The following FBXL7 variants were observed in gnomAD, a reference collection of about 807,000 sequenced individuals.
FBXL7 encodes the protein F-box/LRR-repeat protein 7.
A neutral mutation model predicts 38.3 loss-of-function variants in FBXL7; 12 were observed. The observed-to-expected ratio is 0.31, with a 90% CI of 0.20 to 0.51. The LOEUF (loss-of-function observed/expected upper bound fraction) is 0.51, where lower values mean the gene tolerates loss of function less well. FBXL7 is among the 20% of genes least tolerant of loss of function. The pLI is 0.98. For missense variants in FBXL7, 567 were observed against 676.4 expected (o/e 0.84, Z 1.79); for synonymous variants, 297 against 300.9 (o/e 0.99, Z 0.13).
intron 1 of FBXL7, among the ~76,000 whole-genome samples, chr5:15,593,047 G>C (rs1177429513): frequency 6.6e-6 from 1 of 152,182 alleles, no homozygotes; most frequent in South Asian, 2.1e-4. Context: ...TCCTGATAGA[G>C]TACCAGTCCT....
chr5:15,623,565 C>T (rs1740719708), intron 2 of FBXL7, among the ~76,000 whole-genome samples: 1 of 152,126 alleles, frequency 6.6e-6, no homozygotes, highest in Non-Finnish European at 1.5e-5. Context: ...TTGAAAATGC[C>T]CAGACATCTG....
At chr5:15,914,046 T>C (rs1741515792) in intron 2 of FBXL7, among the ~76,000 whole-genome samples, 1 of 152,236 alleles carries the variant, frequency 6.6e-6, no homozygotes. Flanking sequence ...AAAGTGTTAC[T>C]CATTTTTATT....
intron 2 of FBXL7, among the ~76,000 whole-genome samples, chr5:15,744,041 C>T (rs1011854273): frequency 6.6e-6 from 1 of 152,204 alleles, no homozygotes; most frequent in Non-Finnish European, 1.5e-5. Flanking sequence ...ATTTCTGCCT[C>T]CTAGGCCTCC....
chr5:15,741,888 A>G (rs902035210), intron 2 of FBXL7, among the ~76,000 whole-genome samples: 5 of 152,256 alleles, frequency 3.3e-5, no homozygotes, highest in African/African-American at 1.2e-4. Flanking sequence ...CAGGAATGCC[A>G]TGGTCAGGCC....
intron 2 of FBXL7, among the ~76,000 whole-genome samples, chr5:15,683,890 T>C (rs1013238543): frequency 6.6e-6 from 1 of 152,344 alleles, no homozygotes; most frequent in Non-Finnish European, 1.5e-5. Flanking sequence ...ATTCCTTTCA[T>C]GTCCTTAAAT....
intron 2 of FBXL7, among the ~76,000 whole-genome samples, chr5:15,655,448 C>G (rs1741844272): frequency 6.6e-6 from 1 of 151,078 alleles, no homozygotes; most frequent in African/African-American, 2.4e-5. Context: ...GAGCCGAGAT[C>G]TCGTCACTGC....
intron 1 of FBXL7, among the ~76,000 whole-genome samples, chr5:15,518,554 G>A (rs1305590248): frequency 6.6e-6 from 1 of 152,102 alleles, no homozygotes; most frequent in Non-Finnish European, 1.5e-5. Context: ...CTTTCATGGG[G>A]GAAATGAAGG....
chr5:15,672,594 G>A (rs915322227), intron 2 of FBXL7, among the ~76,000 whole-genome samples: 8 of 140,222 alleles, frequency 5.7e-5, no homozygotes, highest in African/African-American at 1.6e-4. Flanking sequence ...TCTTACTGTC[G>A]CTCAGGTTGG....
At chr5:15,704,236 A>G (rs1743613379) in intron 2 of FBXL7, among the ~76,000 whole-genome samples, 1 of 152,202 alleles carries the variant, frequency 6.6e-6, no homozygotes, top group Non-Finnish European at 1.5e-5. Flanking sequence ...ACATGTTGGG[A>G]AATCCTTGAC....
chr5:15,931,900 G>T (rs1742046685), intron 3 of FBXL7, among the ~76,000 whole-genome samples: 1 of 152,062 alleles, frequency 6.6e-6, no homozygotes, highest in Non-Finnish European at 1.5e-5. Flanking sequence ...GCCTTCCCCG[G>T]CTCACCCCCA....
chr5:15,799,264 T>C (rs2126739239), intron 2 of FBXL7, among the ~76,000 whole-genome samples: 1 of 152,108 alleles, frequency 6.6e-6, no homozygotes, highest in East Asian at 1.9e-4. Flanking sequence ...CTGACCTCCT[T>C]TGAGACAGAT....
chr5:15,922,970 G>T (rs913802511), intron 2 of FBXL7, among the ~76,000 whole-genome samples: 3 of 152,154 alleles, frequency 2.0e-5, no homozygotes, highest in Non-Finnish European at 4.4e-5. Flanking sequence ...ATGAAAGTAT[G>T]TTCATACCTA....
At chr5:15,619,215 A>AT (rs920983279) in intron 2 of FBXL7, among the ~76,000 whole-genome samples, 25 of 152,100 alleles carry the variant, frequency 1.6e-4, no homozygotes, top group African/African-American at 3.4e-4. Flanking sequence ...ATACTTAGCC[A>AT]TTTTTTGTGT....
At chr5:15,824,335 C>T (rs968742669) in intron 2 of FBXL7, among the ~76,000 whole-genome samples, 4 of 151,128 alleles carry the variant, frequency 2.6e-5, no homozygotes, top group Non-Finnish European at 5.9e-5. Flanking sequence ...ACCATTTTCA[C>T]TGGCAGTTTC....
intron 2 of FBXL7, among the ~76,000 whole-genome samples, chr5:15,659,100 A>G (rs1179746332): frequency 1.3e-5 from 2 of 152,116 alleles, no homozygotes; most frequent in East Asian, 1.9e-4. Context: ...TATAAATTAC[A>G]CAGTCTCGGA....
In FBXL7 at chr5:15,664,402, C is replaced by T. The variant is rs1580444000; in HGVS notation, c.127+48330C>T. 2.6e-5 allele frequency among the ~76,000 whole-genome samples: 4 copies of T among 151,030 alleles called. No homozygotes were observed. The East Asian group carries it at 7.8e-4, about 29-fold the overall frequency. On this transcript the variant is annotated intron_variant, in intron 2 of 3. Coordinates refer to ENST00000504595, the MANE Select transcript of FBXL7 (RefSeq NM_012304.5). Reference sequence around the variant, plus strand: ...GAAAAGTATCTTTAGTATTCATCTTCACTTTTATCTTTTCTGGAGTTTACC... The same window carrying T: ...GAAAAGTATCTTTAGTATTCATCTTTACTTTTATCTTTTCTGGAGTTTACC...
At chr5:15,904,704 G>T (rs1192575592) in intron 2 of FBXL7, among the ~76,000 whole-genome samples, 4 of 151,800 alleles carry the variant, frequency 2.6e-5, no homozygotes, top group African/African-American at 9.7e-5. Context: ...ATATATATTT[G>T]GCTGTATTTA....
intron 2 of FBXL7, among the ~76,000 whole-genome samples, chr5:15,625,354 A>T (rs967015615): frequency 6.6e-6 from 1 of 151,840 alleles, no homozygotes; most frequent in South Asian, 2.1e-4. Flanking sequence ...TTTTCCCTTT[A>T]AAAAAAACTG....
intron 2 of FBXL7, among the ~76,000 whole-genome samples, chr5:15,816,322 AAAGT>A (rs749657752): frequency 2.6e-5 from 4 of 152,146 alleles, no homozygotes; most frequent in Non-Finnish European, 5.9e-5. Context: ...GGAAAAGAAC[AAAGT>A]AAGTCTTTTG....
Sources: gnomAD v4.1 joint callset for allele counts (sites outside exome capture counted in the v4.1 genomes callset) on GRCh38, gnomAD v4.1.1 for gene constraint, MANE v1.5 for transcripts, NCBI Gene and HGNC (gene_info 2026-07-23, HGNC 2026-07-21) for gene names.